AHRR: variants seen among roughly 807,000 people sequenced by gnomAD.
AHRR encodes the protein aryl hydrocarbon receptor repressor.
A neutral mutation model predicts 44.0 loss-of-function variants in AHRR; 28 were observed. The ratio of observed to expected loss-of-function variants is 0.64; its 90% CI spans 0.47 to 0.87. AHRR has a LOEUF of 0.87. Ranked by LOEUF, AHRR falls within the 40% of genes least tolerant of loss-of-function variation. AHRR has a pLI of 0.00. For missense variants in AHRR, 990 were observed against 953.9 expected, an observed-to-expected ratio of 1.04 and a Z score of -0.50; for synonymous variants, 434 against 407.0, an observed-to-expected ratio of 1.07 and a Z score of -0.80.
chr5:380,276 T>C (rs537321553), intron 4 of AHRR, among the ~76,000 whole-genome samples: 1 of 152,348 alleles, frequency 6.6e-6, no homozygotes, highest in East Asian at 1.9e-4. Context: ...AATCTTTCAA[T>C]TTTATTCTTC....
intron 4 of AHRR, chr5:403,962 T>A: frequency 7.4e-7 from 1 of 1,350,254 alleles, no homozygotes; most frequent in Non-Finnish European, 1.1e-6. Flanking sequence ...CTTTATTTTC[T>A]GACTCGTCTA....
At chr5:376,559 T>TGGGGAGAACGCGG in intron 3 of AHRR, 51 bp from the exon 4 acceptor site, 2 of 241,106 alleles carry the variant, frequency 8.3e-6, no homozygotes, top group Non-Finnish European at 1.5e-5. Context: ...TGAAGAAGAG[T>TGGGGAGAACGCGG]GGCCAGGCCA....
intron 3 of AHRR, among the ~76,000 whole-genome samples, chr5:376,048 TG>T (rs11317819): frequency 0.018 from 2,004 of 109,540 alleles, 25 homozygotes; most frequent in Admixed American, 0.034. Context: ...GCGTGGGGCC[TG>T]GCCTGCTTCT....
chr5:404,160 G>A lies in AHRR; in HGVS notation c.352-9184G>A, dbSNP rs1453028188. 3 of 534,934 alleles carry A rather than the reference G, an allele frequency of 5.6e-6. No homozygotes were observed. Among genetic ancestry groups the A allele is most frequent in the Admixed American group, 2.4e-5 (1 of 41,874 alleles). 33.1% of individuals were successfully genotyped at this position (534,934 alleles called of 1,614,324 possible). A position where few individuals can be genotyped will look rare whatever the true frequency, so the allele number is the denominator to read the frequency against. On this transcript the variant is annotated intron_variant, in intron 4 of 10. Transcript: ENST00000684583. The surrounding 1 kb of genome is among the most constrained non-coding windows in gnomAD (Gnocchi z 4.1). ...CTCTCAGCCTCAGCCGTTCCTGGTGGGTCTGCATTCCTGTCACGAGCTGGT... is the reference window on the plus strand; with the variant it reads ...CTCTCAGCCTCAGCCGTTCCTGGTGAGTCTGCATTCCTGTCACGAGCTGGT...
intron 4 of AHRR, among the ~76,000 whole-genome samples, chr5:377,818 C>G (rs181400933): frequency 6.6e-6 from 1 of 152,228 alleles, no homozygotes; most frequent in Non-Finnish European, 1.5e-5. Context: ...CTCCCAGCAG[C>G]GTGGGATATT....
intron 2 of AHRR, among the ~76,000 whole-genome samples, chr5:349,579 CAAAA>C (rs35232794): frequency 1.5e-5 from 2 of 129,514 alleles, no homozygotes; most frequent in African/African-American, 2.9e-5. Flanking sequence ...GACTCCGTCT[CAAAA>C]AAAAAAAAAA....
intron 3 of AHRR, among the ~76,000 whole-genome samples, chr5:362,101 G>T (rs1262749106): frequency 6.6e-6 from 1 of 152,198 alleles, no homozygotes; most frequent in Admixed American, 6.5e-5. Context: ...GTTAAATGCG[G>T]TCATAAGGGC....
At chr5:359,976 A>G (rs1743121362) in intron 3 of AHRR, among the ~76,000 whole-genome samples, 1 of 152,220 alleles carries the variant, frequency 6.6e-6, no homozygotes, top group African/African-American at 2.4e-5. Flanking sequence ...CTTTCACTGA[A>G]GATTTACCTT....
At chr5:390,150 C>G (rs1734351866) in intron 4 of AHRR, among the ~76,000 whole-genome samples, 1 of 152,144 alleles carries the variant, frequency 6.6e-6, no homozygotes, top group East Asian at 1.9e-4. Context: ...AACGCGGGGA[C>G]TGCAGTCAAC....
intron 8 of AHRR, 100 bp from the exon 9 acceptor site, chr5:432,363 A>G (rs1052877307): frequency 6.2e-6 from 7 of 1,123,236 alleles, no homozygotes; most frequent in African/African-American, 6.1e-5. Context: ...GTGTGACAGC[A>G]ATACCTGTCA....
intron 3 of AHRR, among the ~76,000 whole-genome samples, chr5:374,993 G>A (rs1393142921): frequency 1.3e-5 from 2 of 152,292 alleles, no homozygotes; most frequent in Non-Finnish European, 2.9e-5. Context: ...CAGGGACTGT[G>A]GGGTGAGGAG....
intron 1 of AHRR, among the ~76,000 whole-genome samples, chr5:336,137 C>G (rs1742111196): frequency 6.6e-6 from 1 of 152,250 alleles, no homozygotes; most frequent in Admixed American, 6.5e-5. Context: ...TCCTGGAGCA[C>G]TTCCTTCTCA....
Position 326,058 on chromosome 5 carries a change from C to T in AHRR, c.-11+4239C>T, listed in dbSNP as rs1032028447. On this transcript the variant is annotated intron_variant, in intron 1 of 10. Coordinates refer to ENST00000684583, the MANE Select transcript of AHRR (RefSeq NM_001377236.1). This position sits in a 1 kb window ranked among gnomAD's most constrained non-coding sequence, Gnocchi z 4.1. Reference sequence around the variant, plus strand: ...TCAGCCTCCCTAAGTGCTGGGATTACAGGCGTGAGCCACTGCGGCCGGCCT... The same window carrying T: ...TCAGCCTCCCTAAGTGCTGGGATTATAGGCGTGAGCCACTGCGGCCGGCCT... 2.0e-5 allele frequency among the ~76,000 whole-genome samples: 3 copies of T among 152,266 alleles called. No individual in the cohort carries two copies. Among genetic ancestry groups the T allele is most frequent in the Non-Finnish European group, 4.4e-5 (3 of 68,052 alleles).
At chr5:367,952 T>C (rs1286537174) in intron 3 of AHRR, 1 of 702,564 alleles carries the variant, frequency 1.4e-6, no homozygotes, top group South Asian at 1.5e-5. Flanking sequence ...ATGGTGAATA[T>C]TGCAGGACTG....
intron 3 of AHRR, among the ~76,000 whole-genome samples, chr5:374,275 C>T (rs551026892): frequency 6.6e-6 from 1 of 152,334 alleles, no homozygotes; most frequent in Admixed American, 6.5e-5. Flanking sequence ...CGGGTCTCTC[C>T]TCGGGCTCGG....
chr5:378,386 C>T (rs934513043), intron 4 of AHRR, among the ~76,000 whole-genome samples: 2 of 152,230 alleles, frequency 1.3e-5, no homozygotes, highest in Admixed American at 1.3e-4. Flanking sequence ...ACCAGGTGCC[C>T]TTTGGGGCTG....
chr5:364,550 C>T (rs1743290025), intron 3 of AHRR, among the ~76,000 whole-genome samples: 1 of 150,680 alleles, frequency 6.6e-6, no homozygotes, highest in Non-Finnish European at 1.5e-5. Context: ...GTTGAAATTT[C>T]AAACTAATGG....
intron 5 of AHRR, among the ~76,000 whole-genome samples, chr5:414,935 A>G (rs1007662057): frequency 6.6e-6 from 1 of 152,238 alleles, no homozygotes; most frequent in Non-Finnish European, 1.5e-5. Context: ...GGACACAGAT[A>G]CAGCAACAGA....
chr5:376,557 A>AACGCGGGGAAACACAGGAAAGAC (rs368685976), intron 3 of AHRR, 53 bp from the exon 4 acceptor site: 1 of 1,403,422 alleles, frequency 7.1e-7, no homozygotes, highest in Non-Finnish European at 9.6e-7. Flanking sequence ...AATGAAGAAG[A>AACGCGGGGAAACACAGGAAAGAC]GTGGCCAGGC....
Sources: allele counts gnomAD v4.1 joint callset (sites outside exome capture counted in the v4.1 genomes callset), GRCh38; gene constraint gnomAD v4.1.1; non-coding constraint Gnocchi (gnomAD v3.1); transcripts MANE v1.5; gene names NCBI Gene and HGNC (gene_info 2026-07-23, HGNC 2026-07-21).